Variants in WWOX observed in about 807,000 individuals in gnomAD.
WWOX encodes the protein WW domain-containing oxidoreductase.
A neutral mutation model predicts 46.2 loss-of-function variants in WWOX; 69 were observed. That is an observed-to-expected ratio of 1.49 (90% CI 1.23 to 1.82). WWOX has a LOEUF of 1.82. Ranked by LOEUF, WWOX falls within the 40% of genes most tolerant of loss-of-function variation. The probability of loss-of-function intolerance (pLI) is 0.00; values close to 1 mark genes in which losing one functional copy is unlikely to be tolerated. For missense variants in WWOX, 919 were observed against 542.6 expected (o/e 1.69, Z -6.89); for synonymous variants, 359 against 202.6 (o/e 1.77, Z -6.56).
intron 8 of WWOX, among the ~76,000 whole-genome samples, chr16:79,118,801 T>G (rs2049570172): frequency 6.6e-6 from 1 of 152,238 alleles, no homozygotes; most frequent in Admixed American, 6.5e-5. Context: ...GGCACATTGC[T>G]TATTTTTCCC....
intron 8 of WWOX, among the ~76,000 whole-genome samples, chr16:79,134,109 G>A (rs2049936606): frequency 6.6e-6 from 1 of 152,016 alleles, no homozygotes; most frequent in Non-Finnish European, 1.5e-5. Flanking sequence ...TTAAAAATAT[G>A]CTGATCTGGG....
chr16:78,943,924 C>G (rs1438629052), intron 8 of WWOX, among the ~76,000 whole-genome samples: 1 of 152,136 alleles, frequency 6.6e-6, no homozygotes, highest in Non-Finnish European at 1.5e-5. Flanking sequence ...TTCCTGCTAC[C>G]CAAGGCCTCC....
chr16:78,206,274 C>T (rs1334255935), intron 5 of WWOX, among the ~76,000 whole-genome samples: 2 of 151,906 alleles, frequency 1.3e-5, no homozygotes, highest in Admixed American at 6.6e-5. Context: ...TGGAAATGAG[C>T]CTGTCATTGA....
In WWOX at chr16:79,166,490, A is replaced by C. The variant is rs142820183; in HGVS notation, c.1057-45118A>C. 3.2e-4 allele frequency among the ~76,000 whole-genome samples: 48 copies of C among 152,278 alleles called. No individual in the cohort carries two copies. In the East Asian group the frequency reaches 9.1e-3, roughly 29 times the overall value. ...TCATAGACCATCCTATTTTTCAACG[A>C]GAGTTCAGAACCACACCATACGGGC... On this transcript the variant is annotated intron_variant, in intron 8 of 8. Coordinates refer to ENST00000566780, the MANE Select transcript of WWOX (RefSeq NM_016373.4).
chr16:79,107,879 T>C (rs750505379), intron 8 of WWOX, among the ~76,000 whole-genome samples: 7 of 152,300 alleles, frequency 4.6e-5, no homozygotes, highest in East Asian at 1.9e-4. Context: ...ACTACAGTTA[T>C]AGGATGAAGT....
At chr16:79,028,742 G>C (rs953275069) in intron 8 of WWOX, among the ~76,000 whole-genome samples, 2 of 151,758 alleles carry the variant, frequency 1.3e-5, no homozygotes, top group African/African-American at 4.9e-5. Context: ...CACAAGAGTA[G>C]GTTTATAATT....
intron 8 of WWOX, among the ~76,000 whole-genome samples, chr16:78,914,880 G>GAAA (rs10706775): frequency 1.4e-4 from 10 of 69,380 alleles, no homozygotes; most frequent in African/African-American, 3.1e-4. Flanking sequence ...CTCCGCCTCA[G>GAAA]AAAAAAAAAA....
Position 78,132,085 on chromosome 16 carries a change from T to C in WWOX, c.409+16931T>C, listed in dbSNP as rs544106091. On this transcript the variant is annotated intron_variant, in intron 4 of 8. Coordinates refer to ENST00000566780, the MANE Select transcript of WWOX (RefSeq NM_016373.4). ...TGTCGCCCAGGCTGGAGTGCAGTGG[T>C]GCTATCTTGGCTCACTGCAAGCTCC... 7.6e-3 allele frequency among the ~76,000 whole-genome samples: 1,128 copies of C among 148,724 alleles called. 22 individuals are homozygous for C. Among genetic ancestry groups the C allele is most frequent in the African/African-American group, 0.026 (1,038 of 40,118 alleles).
intron 8 of WWOX, among the ~76,000 whole-genome samples, chr16:79,132,356 G>C (rs376776393): frequency 6.6e-6 from 1 of 152,156 alleles, no homozygotes; most frequent in Non-Finnish European, 1.5e-5. Flanking sequence ...CTTCCGGTTG[G>C]TGGATTTTGC....
chr16:78,321,057 A>T (rs1392349542), intron 5 of WWOX, among the ~76,000 whole-genome samples: 2 of 152,122 alleles, frequency 1.3e-5, no homozygotes, highest in East Asian at 3.9e-4. Flanking sequence ...GAATACTCAT[A>T]CTCAGTGCTG....
chr16:78,198,042 C>G (rs192810752), intron 5 of WWOX, among the ~76,000 whole-genome samples: 1 of 151,922 alleles, frequency 6.6e-6, no homozygotes, highest in South Asian at 2.1e-4. Flanking sequence ...TTCCCTAAAA[C>G]TGTAGTTTAA....
chr16:78,185,120 C>A (rs1033196441), intron 5 of WWOX, among the ~76,000 whole-genome samples: 4 of 152,156 alleles, frequency 2.6e-5, no homozygotes, highest in African/African-American at 9.6e-5. Flanking sequence ...AAGCAAGTCT[C>A]AGGGCCAAGG....
intron 8 of WWOX, among the ~76,000 whole-genome samples, chr16:79,031,886 C>CTA (rs764963292): frequency 0.027 from 1,466 of 54,960 alleles, 28 homozygotes; most frequent in African/African-American, 0.062. Context: ...ATACAGATAT[C>CTA]TGTATACAGA....
At chr16:78,370,047 G>A (rs549782880) in intron 5 of WWOX, among the ~76,000 whole-genome samples, 6 of 140,844 alleles carry the variant, frequency 4.3e-5, no homozygotes, top group South Asian at 4.5e-4. Flanking sequence ...CATCAGAATC[G>A]CTTCAGCTTG....
chr16:78,198,346 C>T (rs561694624), intron 5 of WWOX, among the ~76,000 whole-genome samples: 22 of 152,278 alleles, frequency 1.4e-4, no homozygotes, highest in South Asian at 8.3e-4. Context: ...CCCCCGCATC[C>T]GATACACATG....
In WWOX at chr16:78,402,873, C is replaced by T. The variant is rs376104214; in HGVS notation, c.605+15925C>T. On this transcript the variant is annotated intron_variant, in intron 6 of 8. Coordinates refer to ENST00000566780, the MANE Select transcript of WWOX (RefSeq NM_016373.4). ...GCTTTACAGCTGGTGACAGGGGGAC[C>T]ACTCCACTACCACATGTGAATTAAT... 1.5e-4 allele frequency among the ~76,000 whole-genome samples: 23 copies of T among 152,282 alleles called. No individual in the cohort carries two copies. In the South Asian group the frequency reaches 3.7e-3, roughly 25 times the overall value.
At chr16:78,106,022 G>T (rs551271908) in intron 1 of WWOX, among the ~76,000 whole-genome samples, 1 of 152,034 alleles carries the variant, frequency 6.6e-6, no homozygotes, top group Non-Finnish European at 1.5e-5. Flanking sequence ...GGCTGGTCTC[G>T]ATCTCCTGGG....
At chr16:78,920,667 C>G (rs1435525104) in intron 8 of WWOX, among the ~76,000 whole-genome samples, 1 of 152,164 alleles carries the variant, frequency 6.6e-6, no homozygotes, top group Non-Finnish European at 1.5e-5. Context: ...CTTGGAAACA[C>G]TCCTTTGTCT....
chr16:78,578,085 C>T (rs1055760878), intron 8 of WWOX, among the ~76,000 whole-genome samples: 3 of 151,360 alleles, frequency 2.0e-5, no homozygotes, highest in Non-Finnish European at 2.9e-5. Context: ...CACCTGCTTC[C>T]GAAAGTACTT....
Sources: allele counts gnomAD v4.1 joint callset (sites outside exome capture counted in the v4.1 genomes callset), GRCh38; gene constraint gnomAD v4.1.1; transcripts MANE v1.5; gene names NCBI Gene and HGNC (gene_info 2026-07-23, HGNC 2026-07-21).